XRCC4: variants seen among roughly 807,000 people sequenced by gnomAD.
XRCC4 encodes DNA repair protein XRCC4.
A neutral mutation model predicts 39.1 loss-of-function variants in XRCC4; 28 were observed. That is an observed-to-expected ratio of 0.72 (90% CI 0.53 to 0.98). XRCC4 has a LOEUF of 0.98. Among genes scored for constraint, XRCC4 ranks in the 50% least tolerant of loss-of-function variants. XRCC4 has a pLI of 0.00. For synonymous variants in XRCC4, 123 were observed against 126.4 expected (o/e 0.97, Z 0.18); for missense variants, 350 against 376.4 (o/e 0.93, Z 0.58).
At chr5:83,340,116 C>A (rs1756710400) in intron 7 of XRCC4, among the ~76,000 whole-genome samples, 2 of 152,152 alleles carry the variant, frequency 1.3e-5, no homozygotes, top group South Asian at 4.1e-4. Context: ...CCTTGCAGAT[C>A]CCTCTTCCAA....
intron 6 of XRCC4, among the ~76,000 whole-genome samples, chr5:83,226,086 C>T (rs1381106690): frequency 2.0e-5 from 3 of 151,786 alleles, no homozygotes; most frequent in African/African-American, 7.3e-5. Context: ...GGATGAAGTC[C>T]CTGGAGGTGC....
chr5:83,178,936 G>A (rs1750081737), intron 3 of XRCC4, among the ~76,000 whole-genome samples: 1 of 152,084 alleles, frequency 6.6e-6, no homozygotes, highest in South Asian at 2.1e-4. Context: ...TGGTACTCCT[G>A]CCCAAAGTAC....
intron 7 of XRCC4, among the ~76,000 whole-genome samples, chr5:83,329,983 G>A (rs1431714422): frequency 6.6e-6 from 1 of 152,058 alleles, no homozygotes; most frequent in Non-Finnish European, 1.5e-5. Flanking sequence ...GCTTAAGTAG[G>A]AGAATGTTTA....
At chr5:83,326,244 C>G (rs897197754) in intron 7 of XRCC4, among the ~76,000 whole-genome samples, 1 of 152,038 alleles carries the variant, frequency 6.6e-6, no homozygotes. Flanking sequence ...TGTGCAAAAG[C>G]TCTTTAGTTT....
At chr5:83,153,461 C>T (rs1748813477) in intron 3 of XRCC4, among the ~76,000 whole-genome samples, 1 of 152,080 alleles carries the variant, frequency 6.6e-6, no homozygotes, top group Non-Finnish European at 1.5e-5. Flanking sequence ...TATAATCATT[C>T]TCCAAATGTA....
chr5:83,280,444 G>C (rs1754496843), intron 7 of XRCC4: 1 of 693,802 alleles, frequency 1.4e-6, no homozygotes, highest in Non-Finnish European at 2.6e-6. Flanking sequence ...TTTGAAGAAA[G>C]TTCTTGCACA....
chr5:83,260,599 T>G (rs1004161044), intron 7 of XRCC4, among the ~76,000 whole-genome samples: 2 of 152,110 alleles, frequency 1.3e-5, no homozygotes, highest in African/African-American at 2.4e-5. Flanking sequence ...TACACTGTGT[T>G]GCTTAAGCAG....
chr5:83,328,184 A>G (rs1172757094), intron 7 of XRCC4, among the ~76,000 whole-genome samples: 1 of 152,090 alleles, frequency 6.6e-6, no homozygotes, highest in Non-Finnish European at 1.5e-5. Flanking sequence ...AGATCTTGTG[A>G]GACTTATTAA....
At chr5:83,167,422 T>C (rs187867199) in intron 3 of XRCC4, among the ~76,000 whole-genome samples, 11 of 152,284 alleles carry the variant, frequency 7.2e-5, no homozygotes, top group Non-Finnish European at 1.3e-4. Flanking sequence ...GTTGTAATCT[T>C]CTATCCCATT....
chr5:83,255,139 A>G (rs1438004837), intron 6 of XRCC4, among the ~76,000 whole-genome samples: 1 of 152,116 alleles, frequency 6.6e-6, no homozygotes, highest in African/African-American at 2.4e-5. Context: ...GAGATGAGCA[A>G]TTTAATACTT....
At chr5:83,157,817 AAGAG>A (rs1749032247) in intron 3 of XRCC4, among the ~76,000 whole-genome samples, 1 of 152,132 alleles carries the variant, frequency 6.6e-6, no homozygotes, top group Non-Finnish European at 1.5e-5. Flanking sequence ...ATTCTCTAAT[AAGAG>A]TTCCAGGAAG....
intron 6 of XRCC4, among the ~76,000 whole-genome samples, chr5:83,208,694 T>A (rs1246257450): frequency 6.6e-6 from 1 of 152,016 alleles, no homozygotes; most frequent in Non-Finnish European, 1.5e-5. Context: ...CAAAAAATAC[T>A]CATTTTCTTG....
intron 1 of XRCC4, among the ~76,000 whole-genome samples, chr5:83,085,996 G>T (rs764836039): frequency 1.7e-4 from 26 of 152,156 alleles, no homozygotes; most frequent in Non-Finnish European, 4.4e-5. Flanking sequence ...CGGACTTCTA[G>T]AAGAAGTTTA....
intron 6 of XRCC4, among the ~76,000 whole-genome samples, chr5:83,230,598 T>C (rs1452416759): frequency 1.3e-5 from 2 of 152,030 alleles, no homozygotes; most frequent in East Asian, 3.8e-4. Context: ...GATAGTTACA[T>C]GGAGAGCTTC....
chr5:83,089,450 C>A (rs765714852), intron 1 of XRCC4, among the ~76,000 whole-genome samples: 30 of 152,278 alleles, frequency 2.0e-4, no homozygotes, highest in Non-Finnish European at 3.8e-4. Context: ...GACTTGGGAT[C>A]CTTGGAGGCC....
At chr5:83,110,950 A>G (rs1401882176) in intron 2 of XRCC4, 78 bp from the exon 3 acceptor site, 6 of 1,303,238 alleles carry the variant, frequency 4.6e-6, no homozygotes, top group African/African-American at 1.5e-5. Context: ...ATAAATTAGT[A>G]CTAACAGATA....
chr5:83,171,908 T>C (rs1348324941), intron 3 of XRCC4, among the ~76,000 whole-genome samples: 2 of 152,318 alleles, frequency 1.3e-5, no homozygotes, highest in African/African-American at 4.8e-5. Context: ...ATTTGAATAG[T>C]ACTAATTTTA....
Position 83,263,770 on chromosome 5 carries a change from G to A in XRCC4, c.893+5093G>A, listed in dbSNP as rs891390844. On this transcript the variant is annotated intron_variant, in intron 7 of 7. Coordinates refer to ENST00000396027, the MANE Select transcript of XRCC4 (RefSeq NM_003401.5). ...GCCCTTTGTCAGATGAGTAGGTTGC[G>A]AAAATTTTCTCCCATTTTGTAGGTT... Among the ~76,000 whole-genome samples the A allele has an allele frequency of 5.5e-4, 83 of 150,814 alleles. 2 individuals are homozygous for A. The highest frequency in any genetic ancestry group is 1.9e-3 in the African/African-American group (78 of 41,180).
At chr5:83,189,317 C>T (rs1017610240) in intron 3 of XRCC4, among the ~76,000 whole-genome samples, 1 of 151,836 alleles carries the variant, frequency 6.6e-6, no homozygotes, top group African/African-American at 2.4e-5. Context: ...CTCTCTGATT[C>T]CCACTATGAC....
Sources: gnomAD v4.1 joint callset for allele counts (sites outside exome capture counted in the v4.1 genomes callset) on GRCh38, gnomAD v4.1.1 for gene constraint, MANE v1.5 for transcripts, NCBI Gene and HGNC (gene_info 2026-07-23, HGNC 2026-07-21) for gene names.